Variants in CDC42BPA observed in about 807,000 individuals in gnomAD.
CDC42BPA encodes the protein CDC42 binding protein kinase alpha.
A neutral mutation model predicts 223.5 loss-of-function variants in CDC42BPA; 80 were observed. The observed-to-expected ratio is 0.36, with a 90% confidence interval of 0.30 to 0.43. The LOEUF (loss-of-function observed/expected upper bound fraction) is 0.43, where lower values mean the gene tolerates loss of function less well. CDC42BPA is among the 20% of genes least tolerant of loss of function. The pLI is 1.00. For missense variants in CDC42BPA, 1,743 were observed against 2,099.9 expected, an observed-to-expected ratio of 0.83 and a Z score of 3.32; for synonymous variants, 694 against 718.6, an observed-to-expected ratio of 0.97 and a Z score of 0.55.
At chr1:227,051,062 T>C (rs1260097518) in intron 22 of CDC42BPA, among the ~76,000 whole-genome samples, 1 of 152,114 alleles carries the variant, frequency 6.6e-6, no homozygotes, top group Non-Finnish European at 1.5e-5. Context: ...ACTTAAACAA[T>C]TTGGGGGAGT....
At position 227,261,124 on chromosome 1, in the gene CDC42BPA, C is replaced by CTTTTTTTTTTTTTTTTTT. The variant is rs386369874; in HGVS notation, c.179-6970_179-6969insAAAAAAAAAAAAAAAAAA. On this transcript the variant is annotated intron_variant, in intron 1 of 36. Transcript: ENST00000366766. ...TTTTTAACAGAATAATTGAGTTTTT[C>CTTTTTTTTTTTTTTTTTT]TTTTTTTTTGAGACAGAGTCTCGCT... is the stretch of plus-strand genomic sequence containing the variant. Among the ~76,000 whole-genome samples, 365 of 120,948 alleles carry CTTTTTTTTTTTTTTTTTT rather than the reference C, an allele frequency of 3.0e-3. 13 individuals are homozygous for CTTTTTTTTTTTTTTTTTT. Among genetic ancestry groups the CTTTTTTTTTTTTTTTTTT allele is most frequent in the African/African-American group, 4.4e-3 (139 of 31,362 alleles). 79.3% of individuals were successfully genotyped at this position (120,948 alleles called of 152,430 possible). A position where few individuals can be genotyped will look rare whatever the true frequency, so the allele number is the denominator to read the frequency against.
chr1:227,074,134 T>C (rs1678981287), intron 18 of CDC42BPA, 122 bp from the exon 19 acceptor site: 1 of 1,356,420 alleles, frequency 7.4e-7, no homozygotes, highest in Admixed American at 2.2e-5. Flanking sequence ...AGTTTTCTCA[T>C]AAAAAACTCT....
At chr1:227,264,788 G>T in intron 1 of CDC42BPA, 1 of 1,107,974 alleles carries the variant, frequency 9.0e-7, no homozygotes, top group Non-Finnish European at 1.4e-6. Flanking sequence ...ATCTTCCACT[G>T]TTACCTCAGT....
chr1:227,118,654 T>C (rs72748195), intron 12 of CDC42BPA, among the ~76,000 whole-genome samples: 25,716 of 152,084 alleles, frequency 0.17, 2,318 homozygotes, highest in Non-Finnish European at 0.19. Context: ...TCCTTCTCTT[T>C]AGATTTCCAA....
chr1:227,088,964 G>A (rs1005246629), intron 16 of CDC42BPA, among the ~76,000 whole-genome samples: 3 of 152,066 alleles, frequency 2.0e-5, no homozygotes, highest in Non-Finnish European at 4.4e-5. Flanking sequence ...GACGTCAAGC[G>A]ATCTGCCCGC....
At chr1:227,253,607 A>AATACATACATAC (rs1553419178) in intron 2 of CDC42BPA, among the ~76,000 whole-genome samples, 36 of 116,544 alleles carry the variant, frequency 3.1e-4, no homozygotes, top group South Asian at 1.4e-3. Context: ...AAAATAAATA[A>AATACATACATAC]ATACATACAT....
chr1:227,298,565 G>C (rs2148712398), intron 1 of CDC42BPA, among the ~76,000 whole-genome samples: 1 of 152,172 alleles, frequency 6.6e-6, no homozygotes, highest in South Asian at 2.1e-4. Context: ...GGCTGTCCCA[G>C]AGTTTTGTCC....
chr1:227,093,046 T>G (rs953499824), intron 15 of CDC42BPA, among the ~76,000 whole-genome samples: 2 of 152,216 alleles, frequency 1.3e-5, no homozygotes, highest in African/African-American at 4.8e-5. Context: ...CATGTCTCCT[T>G]TTCTTATGAA....
chr1:227,177,595 T>C (rs1464525057), intron 5 of CDC42BPA, among the ~76,000 whole-genome samples: 6 of 152,162 alleles, frequency 3.9e-5, no homozygotes, highest in African/African-American at 1.4e-4. Context: ...TTATGTTGTT[T>C]TGGGTTTGCT....
chr1:227,167,310 A>G (rs918175700), intron 5 of CDC42BPA, among the ~76,000 whole-genome samples: 2 of 152,188 alleles, frequency 1.3e-5, no homozygotes, highest in African/African-American at 4.8e-5. Flanking sequence ...AAGTTGTCCA[A>G]AAGTTTTTTT....
In CDC42BPA at chr1:227,021,758, G is replaced by A. The variant is rs150093247; in HGVS notation, c.4615+1505C>T. Reference sequence around the variant, plus strand: ...TTCATGGCCAGGCGCGGTGGCTCACGCCTGTAATCCCAGCACTTTGAGAGG... The same window carrying A: ...TTCATGGCCAGGCGCGGTGGCTCACACCTGTAATCCCAGCACTTTGAGAGG... On this transcript the variant is annotated intron_variant, in intron 32 of 36. Coordinates refer to ENST00000366766, the MANE Select transcript of CDC42BPA (RefSeq NM_001394014.1). Among the ~76,000 whole-genome samples, 634 of 152,148 alleles carry A rather than the reference G, an allele frequency of 4.2e-3. 6 individuals are homozygous for A. Among genetic ancestry groups the A allele is most frequent in the African/African-American group, 0.015 (614 of 41,510 alleles).
intron 21 of CDC42BPA, among the ~76,000 whole-genome samples, chr1:227,053,425 C>T (rs534175826): frequency 6.6e-6 from 1 of 152,208 alleles, no homozygotes; most frequent in South Asian, 2.1e-4. Context: ...AGGGTGAAGG[C>T]ATTAGGGGTC....
chr1:227,275,863 C>T (rs1183469328), intron 1 of CDC42BPA, among the ~76,000 whole-genome samples: 6 of 152,194 alleles, frequency 3.9e-5, no homozygotes, highest in Non-Finnish European at 8.8e-5. Flanking sequence ...CTGGGCCTCC[C>T]GAGGTGCCGG....
At chr1:227,252,575 A>T (rs1682208504) in intron 2 of CDC42BPA, among the ~76,000 whole-genome samples, 1 of 152,180 alleles carries the variant, frequency 6.6e-6, no homozygotes, top group African/African-American at 2.4e-5. Context: ...TGATCAGAAC[A>T]TTCGAAGTAG....
rs377473102 is a variant in CDC42BPA at position 227,073,443 on chromosome 1, C to T, written c.2735+421G>A. Among the ~76,000 whole-genome samples the T allele has an allele frequency of 6.9e-4, 105 of 152,004 alleles. 3 individuals are homozygous for T. The South Asian group carries it at 0.021, about 31-fold the overall frequency. On this transcript the variant is annotated intron_variant, in intron 19 of 36. Transcript: ENST00000366766. ...GATATTATATCATTATGAAATTTGC[C>T]ATCAATAGAATTTTCATTTATAAAA...
At chr1:227,060,020 G>GTT (rs143944932) in intron 21 of CDC42BPA, among the ~76,000 whole-genome samples, 8,171 of 93,888 alleles carry the variant, frequency 0.087, 273 homozygotes, top group South Asian at 0.1. Flanking sequence ...ATCTCAAAAA[G>GTT]TTTTTTTTTG....
chr1:227,028,081 C>T (rs1216400340), intron 30 of CDC42BPA, among the ~76,000 whole-genome samples: 1 of 149,056 alleles, frequency 6.7e-6, no homozygotes, highest in Non-Finnish European at 1.5e-5. Context: ...GACGATACCA[C>T]TGTACTCTAT....
chr1:227,069,651 GT>G (rs1677871296), intron 21 of CDC42BPA, 125 bp downstream of exon 21: 1 of 604,938 alleles, frequency 1.7e-6, no homozygotes, highest in Non-Finnish European at 2.9e-6. Context: ...ATATGTTTTT[GT>G]TTATTTAAGA....
In CDC42BPA at chr1:227,230,820, CTT is replaced by C. The variant is rs1198828997; in HGVS notation, c.271-17603_271-17602del. On this transcript the variant is annotated intron_variant, in intron 2 of 36. Transcript: ENST00000366766. The stretch of plus-strand genomic sequence containing the variant: ...ATTTCTATTTCTTTTTTCTTTCTTT[CTT>C]TTTTTTTTTTTTTTTTTGAGACAGA... Among the ~76,000 whole-genome samples the C allele has an allele frequency of 5.2e-3, 476 of 91,596 alleles. 16 individuals are homozygous for C. The highest frequency in any genetic ancestry group is 0.02 in the African/African-American group (456 of 23,118). 60.1% of individuals were successfully genotyped at this position (91,596 alleles called of 152,430 possible).
Sources: allele counts gnomAD v4.1 joint callset (sites outside exome capture counted in the v4.1 genomes callset), GRCh38; gene constraint gnomAD v4.1.1; transcripts MANE v1.5; gene names NCBI Gene and HGNC (gene_info 2026-07-23, HGNC 2026-07-21).